Variants in ACIN1 observed in about 807,000 individuals in gnomAD.
The protein encoded by ACIN1 is apoptotic chromatin condensation inducer 1.
In ACIN1, 16 loss-of-function variants were observed where a neutral mutation model predicts 146.6. The ratio of observed to expected loss-of-function variants is 0.11; its 90% CI spans 0.07 to 0.17. The LOEUF is 0.17. ACIN1 is among the 10% of genes least tolerant of loss of function. ACIN1 has a pLI of 1.00. For missense variants in ACIN1, 1,357 were observed against 1,609.3 expected, an observed-to-expected ratio of 0.84 and a Z score of 2.68; for synonymous variants, 569 against 582.7, an observed-to-expected ratio of 0.98 and a Z score of 0.34.
Position 23,071,521 on chromosome 14 carries a change from G to A in ACIN1, c.2124-1904C>T, listed in dbSNP as rs574724413. On this transcript the variant is annotated intron_variant, in intron 8 of 18. Coordinates refer to ENST00000605057, the MANE Select transcript of ACIN1 (RefSeq NM_001386863.1). Reference sequence around the variant, plus strand: ...GCTGGCTCTATTGTATTGGCGGAGCGGCAGCGATCAGCCGGAGACATGCAG... The same window carrying A: ...GCTGGCTCTATTGTATTGGCGGAGCAGCAGCGATCAGCCGGAGACATGCAG... The A allele has an allele frequency of 1.3e-4, 205 of 1,551,578 alleles. 1 individual carries two copies. The highest frequency in any genetic ancestry group is 4.5e-4 in the Admixed American group (23 of 51,008).
chr14:23,090,448 TAGAC>T (rs2048201646), intron 3 of ACIN1, 70 bp downstream of exon 3: 12 of 1,311,110 alleles, frequency 9.2e-6, no homozygotes, highest in East Asian at 2.3e-5. Flanking sequence ...ATTGTCTAGT[TAGAC>T]AGGCCTATCT....
At chr14:23,085,659 A>T (rs2048072344) in intron 4 of ACIN1, among the ~76,000 whole-genome samples, 1 of 152,314 alleles carries the variant, frequency 6.6e-6, no homozygotes, top group East Asian at 1.9e-4. Context: ...ATTAGTCAGC[A>T]ATGCAAAATA....
intron 8 of ACIN1, among the ~76,000 whole-genome samples, chr14:23,075,323 CTTTTTTTT>C (rs11423392): frequency 2.2e-5 from 3 of 133,340 alleles, no homozygotes; most frequent in East Asian, 2.1e-4. Context: ...CTTTCTTCCC[CTTTTTTTT>C]TTTTTTTTTT....
chr14:23,062,630 G>T, intron 14 of ACIN1, 107 bp from the exon 15 acceptor site: 3 of 1,084,734 alleles, frequency 2.8e-6, no homozygotes, highest in East Asian at 4.7e-5. Flanking sequence ...AGGTTTGGGG[G>T]AGGGCAGAGA....
chr14:23,073,180 T>C (rs1284359116), intron 8 of ACIN1, among the ~76,000 whole-genome samples: 2 of 152,230 alleles, frequency 1.3e-5, no homozygotes, highest in Non-Finnish European at 2.9e-5. Context: ...AATGCCCTTA[T>C]CACTCTGTAT....
At chr14:23,094,700 AGGGGGT>A in intron 1 of ACIN1, 1 of 657,326 alleles carries the variant, frequency 1.5e-6, no homozygotes, top group Non-Finnish European at 2.3e-6. Context: ...ACAAACAAGG[AGGGGGT>A]GGGGGAAGGA....
chr14:23,094,664 G>A (rs2048323877), intron 1 of ACIN1: 1 of 761,708 alleles, frequency 1.3e-6, no homozygotes, highest in Non-Finnish European at 1.9e-6. Flanking sequence ...AACTCCTTCT[G>A]CAGCGCATGC....
intron 9 of ACIN1, among the ~76,000 whole-genome samples, chr14:23,066,861 G>A (rs1003388526): frequency 2.0e-5 from 3 of 152,126 alleles, no homozygotes; most frequent in Non-Finnish European, 4.4e-5. Flanking sequence ...CTCAGTGGGT[G>A]AATGACGAAA....
At chr14:23,078,044 T>C in intron 8 of ACIN1, 107 bp downstream of exon 8, 3 of 972,202 alleles carry the variant, frequency 3.1e-6, no homozygotes, top group Non-Finnish European at 4.7e-6. Flanking sequence ...TCTGCCTTTA[T>C]GTTTTAAAAG....
At chr14:23,092,442 T>A (rs182052358) in intron 2 of ACIN1, among the ~76,000 whole-genome samples, 2 of 152,346 alleles carry the variant, frequency 1.3e-5, no homozygotes, top group East Asian at 3.9e-4. Context: ...ACAATTAAGC[T>A]GATTAACTTA....
At chr14:23,076,721 T>C (rs1050576452) in intron 8 of ACIN1, among the ~76,000 whole-genome samples, 1 of 152,154 alleles carries the variant, frequency 6.6e-6, no homozygotes, top group African/African-American at 2.4e-5. Context: ...AAAACTGCCA[T>C]TTCACAAAGG....
chr14:23,088,883 T>G (rs551146350), intron 4 of ACIN1, among the ~76,000 whole-genome samples: 1 of 152,322 alleles, frequency 6.6e-6, no homozygotes, highest in Admixed American at 6.5e-5. Context: ...TTGAGTGTCA[T>G]GTGAATACTC....
At chr14:23,063,609 G>A (rs759790774) in intron 12 of ACIN1, 32 bp from the exon 13 acceptor site, 6 of 1,613,012 alleles carry the variant, frequency 3.7e-6, no homozygotes, top group Non-Finnish European at 4.2e-6. Context: ...CAGCAGGTCT[G>A]TTAAACACCA....
intron 8 of ACIN1, among the ~76,000 whole-genome samples, chr14:23,077,122 T>C (rs972349147): frequency 6.6e-6 from 1 of 152,174 alleles, no homozygotes; most frequent in African/African-American, 2.4e-5. Flanking sequence ...GTAAGGTCTA[T>C]AAAACTATCA....
At chr14:23,094,649 G>A in intron 1 of ACIN1, 1 of 808,238 alleles carries the variant, frequency 1.2e-6, no homozygotes, top group Non-Finnish European at 1.7e-6. Flanking sequence ...GTTGTAGTGG[G>A]ATTTAACTCC....
chr14:23,068,143 G>A lies in ACIN1; in HGVS notation c.2265+1333C>T. 1 of 985,908 alleles carries A rather than the reference G, an allele frequency of 1.0e-6. No homozygotes were observed. The highest frequency in any genetic ancestry group is 1.2e-6 in the Non-Finnish European group (1 of 829,996). The allele number at this position is 985,908 out of a possible 1,614,324, so 61.1% of individuals were successfully genotyped here. ...GCTGTCATCAGCATTAAATCCCCAG[G>A]GGCTCAGACCCTAGACTCCTCTGCA... On this transcript the variant is annotated intron_variant, in intron 9 of 18. Coordinates refer to ENST00000605057, the MANE Select transcript of ACIN1 (RefSeq NM_001386863.1). The surrounding 1 kb of genome is among the most constrained non-coding windows in gnomAD (Gnocchi z 4.3).
chr14:23,075,868 A>G (rs1328659827), intron 8 of ACIN1, among the ~76,000 whole-genome samples: 1 of 151,990 alleles, frequency 6.6e-6, no homozygotes, highest in Non-Finnish European at 1.5e-5. Context: ...TGCCCGGCTA[A>G]TTTTGTATTT....
At chr14:23,093,592 A>G (rs1566761431) in intron 1 of ACIN1, 48 bp from the exon 2 acceptor site, 1 of 1,505,072 alleles carries the variant, frequency 6.6e-7, no homozygotes, top group Admixed American at 1.7e-5. Flanking sequence ...AAAAAAAAGA[A>G]AAACAAACCC....
intron 9 of ACIN1, chr14:23,069,157 C>G (rs2047549826): frequency 9.5e-7 from 1 of 1,047,950 alleles, no homozygotes; most frequent in South Asian, 4.4e-5. Flanking sequence ...CCAGGAGAAG[C>G]TTGGGAAGAC....
Sources: gnomAD v4.1 joint callset for allele counts (sites outside exome capture counted in the v4.1 genomes callset) on GRCh38, gnomAD v4.1.1 for gene constraint, Gnocchi (gnomAD v3.1) non-coding constraint, MANE v1.5 for transcripts, NCBI Gene and HGNC (gene_info 2026-07-23, HGNC 2026-07-21) for gene names.